The following WRN variants were observed in gnomAD, a reference collection of about 807,000 sequenced individuals.
The protein encoded by WRN is WRN RecQ like helicase.
A neutral mutation model predicts 180.7 loss-of-function variants in WRN; 149 were observed. The ratio of observed to expected loss-of-function variants is 0.82; its 90% CI spans 0.72 to 0.94. WRN has a LOEUF of 0.94. Ranked by LOEUF, WRN falls within the 40% of genes least tolerant of loss-of-function variation. The probability of loss-of-function intolerance (pLI) is 0.00; values close to 1 mark genes in which losing one functional copy is unlikely to be tolerated. For synonymous variants in WRN, 548 were observed against 568.9 expected (o/e 0.96, Z 0.52); for missense variants, 1,661 against 1,700.1 (o/e 0.98, Z 0.40).
chr8:31,097,071 GT>G (rs1227885000), intron 17 of WRN, among the ~76,000 whole-genome samples: 1 of 152,018 alleles, frequency 6.6e-6, no homozygotes, highest in Non-Finnish European at 1.5e-5. Context: ...ATAATTACCT[GT>G]TTATATATCT....
intron 10 of WRN, among the ~76,000 whole-genome samples, chr8:31,084,961 T>A (rs955214023): frequency 2.0e-5 from 3 of 152,098 alleles, no homozygotes; most frequent in Non-Finnish European, 2.9e-5. Context: ...TATTTCTTTC[T>A]TTCTCTTTGG....
intron 17 of WRN, among the ~76,000 whole-genome samples, chr8:31,099,473 A>AT (rs762661900): frequency 2.0e-5 from 3 of 151,408 alleles, no homozygotes; most frequent in African/African-American, 4.9e-5. Context: ...ATAATATTGA[A>AT]TTTTTTCCAG....
chr8:31,149,424 A>G (rs1803009003), intron 30 of WRN, among the ~76,000 whole-genome samples: 1 of 148,946 alleles, frequency 6.7e-6, no homozygotes, highest in Non-Finnish European at 1.5e-5. Context: ...AAAAATAAAT[A>G]AATATTCTAA....
At chr8:31,124,697 ATAAT>A (rs1019637943) in intron 22 of WRN, 74 bp downstream of exon 22, 2 of 1,424,194 alleles carry the variant, frequency 1.4e-6, no homozygotes, top group African/African-American at 1.4e-5. Context: ...ATTTGGCTAA[ATAAT>A]TATCAGTATT....
At chr8:31,107,852 G>A (rs1247902887) in intron 18 of WRN, among the ~76,000 whole-genome samples, 2 of 152,206 alleles carry the variant, frequency 1.3e-5, no homozygotes, top group East Asian at 3.8e-4. Context: ...TTTCAAGTAA[G>A]AGGAATTGTG....
intron 28 of WRN, among the ~76,000 whole-genome samples, chr8:31,146,579 C>A (rs1802864428): frequency 6.6e-6 from 1 of 152,078 alleles, no homozygotes; most frequent in African/African-American, 2.4e-5. Flanking sequence ...TTTTTAATTT[C>A]TAAGAATGCT....
rs920563936 is a variant in WRN, at chr8:31,111,684, C to G, written c.2158C>G (p.Leu720Val). The G allele has an allele frequency of 1.9e-6, 3 of 1,613,980 alleles. No homozygotes were observed. Among genetic ancestry groups the G allele is most frequent in the African/African-American group, 2.7e-5 (2 of 74,934 alleles). ...GGAAGACATTGTACGTTGCTTAAAT[C>G]TGAGAAATCCTCAGATCACCTGTAC... ...IREDIVRCLN[L>V]RNPQITCTGF... Residue 720 changes from leucine (L) to valine (V), a missense_variant, in exon 19 of 35, where the codon CTG becomes GTG. Coordinates refer to ENST00000298139, the MANE Select transcript of WRN (RefSeq NM_000553.6).
intron 7 of WRN, among the ~76,000 whole-genome samples, chr8:31,069,911 A>G (rs1483260468): frequency 1.3e-5 from 2 of 152,134 alleles, no homozygotes; most frequent in African/African-American, 2.4e-5. Flanking sequence ...TACATGTGCA[A>G]TTTTGATGAA....
In WRN at chr8:31,064,186, T is replaced by G. The variant is rs1042585683; in HGVS notation, c.210-103T>G. The G allele has an allele frequency of 4.5e-6, 6 of 1,327,484 alleles. No homozygotes were observed. The Admixed American group carries it at 5.6e-5, about 12-fold the overall frequency. 82.2% of individuals were successfully genotyped at this position (1,327,484 alleles called of 1,614,324 possible). A position where few individuals can be genotyped will look rare whatever the true frequency, so the allele number is the denominator to read the frequency against. ...TCAGTTGTATGTGCTCCAGATAACT[T>G]GAACAGTCTGTGGTTGCCTTTTAAT... is the stretch of plus-strand genomic sequence containing the variant. On this transcript the variant is annotated intron_variant, in intron 3 of 34. Transcript: ENST00000298139.
chr8:31,039,912 A>G (rs776490759), intron 1 of WRN, among the ~76,000 whole-genome samples: 1 of 152,188 alleles, frequency 6.6e-6, no homozygotes, highest in Non-Finnish European at 1.5e-5. Flanking sequence ...CTTATGTTAT[A>G]TAGTCCTTTA....
At chr8:31,127,869 G>T (rs142050621) in intron 23 of WRN, among the ~76,000 whole-genome samples, 8 of 152,248 alleles carry the variant, frequency 5.3e-5, no homozygotes, top group Non-Finnish European at 8.8e-5. Context: ...GACTGCAGTT[G>T]CAGTGAGCCA....
At position 31,125,537 on chromosome 8, in the gene WRN, G is replaced by GAGATATATATATATATATATATAT. The variant is rs1365119717; in HGVS notation, c.2825+538_2825+539insGATATATATATATATATATATATA. On this transcript the variant is annotated intron_variant, in intron 23 of 34. Transcript: ENST00000298139. Reference sequence around the variant, plus strand: ...GAAATAGGACGATTGATATTATGGAGATATATATATATATATATATATATA... The same window carrying GAGATATATATATATATATATATAT: ...GAAATAGGACGATTGATATTATGGAGAGATATATATATATATATATATATATATATATATATATATATATATATA... 6.3e-5 allele frequency among the ~76,000 whole-genome samples: 4 copies of GAGATATATATATATATATATATAT among 63,762 alleles called. No individual in the cohort carries two copies. In the Admixed American group the frequency reaches 6.5e-4, roughly 10 times the overall value. 41.8% of individuals were successfully genotyped at this position (63,762 alleles called of 152,430 possible).
intron 31 of WRN, among the ~76,000 whole-genome samples, chr8:31,153,542 T>A (rs1433969806): frequency 6.6e-6 from 1 of 152,170 alleles, no homozygotes; most frequent in Non-Finnish European, 1.5e-5. Flanking sequence ...ACTGCTAGGG[T>A]TATTTGATTG....
chr8:31,150,027 AAAT>A (rs1803054986), intron 30 of WRN, among the ~76,000 whole-genome samples: 1 of 152,182 alleles, frequency 6.6e-6, no homozygotes, highest in East Asian at 1.9e-4. Flanking sequence ...ATGACAATAA[AAAT>A]AATAATAAAA....
chr8:31,092,382 A>G (rs183210712), intron 16 of WRN, among the ~76,000 whole-genome samples: 1 of 151,868 alleles, frequency 6.6e-6, no homozygotes, highest in African/African-American at 2.4e-5. Context: ...AACCAATTCT[A>G]TCATGATGTA....
chr8:31,085,760 C>T (rs954757092), intron 11 of WRN, among the ~76,000 whole-genome samples: 24 of 152,200 alleles, frequency 1.6e-4, no homozygotes, highest in African/African-American at 4.1e-4. Context: ...TGTGAGCCGC[C>T]GCATCCAGCC....
chr8:31,141,918 G>GA, intron 26 of WRN, 143 bp downstream of exon 26: 1 of 813,742 alleles, frequency 1.2e-6, no homozygotes, highest in Admixed American at 2.2e-5. Context: ...CAGTTTGGGG[G>GA]AAGGGATCTG....
chr8:31,146,342 ATAT>A (rs1802857214), intron 28 of WRN, among the ~76,000 whole-genome samples: 1 of 151,098 alleles, frequency 6.6e-6, no homozygotes, highest in African/African-American at 2.4e-5. Context: ...AACTACACAA[ATAT>A]TATATACACA....
At chr8:31,134,055 T>G (rs1233685924) in intron 24 of WRN, among the ~76,000 whole-genome samples, 1 of 152,200 alleles carries the variant, frequency 6.6e-6, no homozygotes, top group Non-Finnish European at 1.5e-5. Flanking sequence ...TTGTGAAATA[T>G]TACACTACCC....
Sources: allele counts gnomAD v4.1 joint callset (sites outside exome capture counted in the v4.1 genomes callset), GRCh38; gene constraint gnomAD v4.1.1; transcripts MANE v1.5; gene names NCBI Gene and HGNC (gene_info 2026-07-23, HGNC 2026-07-21).